Variants in CEP112 observed in about 807,000 individuals in gnomAD.
CEP112 encodes centrosomal protein of 112 kDa.
A neutral mutation model predicts 153.0 loss-of-function variants in CEP112; 127 were observed. The observed-to-expected ratio is 0.83, with a 90% confidence interval of 0.72 to 0.96. The LOEUF is 0.96. CEP112 is among the 40% of genes least tolerant of loss of function. The pLI, the probability that CEP112 is intolerant of heterozygous loss-of-function variation, is 0.00. For synonymous variants in CEP112, 358 were observed against 374.4 expected (o/e 0.96, Z 0.51); for missense variants, 1,089 against 1,101.2 (o/e 0.99, Z 0.16).
chr17:65,979,288 C>G (rs1011802705), intron 17 of CEP112, among the ~76,000 whole-genome samples: 1 of 152,036 alleles, frequency 6.6e-6, no homozygotes, highest in African/African-American at 2.4e-5. Context: ...CTCTGTCACC[C>G]TGGGTGGAGT....
intron 18 of CEP112, among the ~76,000 whole-genome samples, chr17:65,949,993 C>G (rs936977483): frequency 3.3e-5 from 5 of 152,108 alleles, no homozygotes; most frequent in African/African-American, 1.2e-4. Flanking sequence ...CATCACAATA[C>G]ACATCCATCA....
intron 4 of CEP112, among the ~76,000 whole-genome samples, chr17:66,165,832 G>A (rs534071884): frequency 2.0e-5 from 3 of 152,152 alleles, no homozygotes; most frequent in East Asian, 3.9e-4. Context: ...ATGCATTCCT[G>A]GAAAACCATA....
intron 17 of CEP112, among the ~76,000 whole-genome samples, chr17:65,979,008 T>TA (rs1426475107): frequency 1.3e-5 from 2 of 152,188 alleles, no homozygotes; most frequent in African/African-American, 2.4e-5. Context: ...CTTCGAGCTT[T>TA]ACATTGTGCT....
chr17:65,699,993 C>T (rs1450485178), intron 23 of CEP112, among the ~76,000 whole-genome samples: 1 of 152,116 alleles, frequency 6.6e-6, no homozygotes, highest in Non-Finnish European at 1.5e-5. Context: ...CTCTCTGTTG[C>T]ACCGGGCACT....
At chr17:65,969,176 G>A (rs1172294745) in intron 17 of CEP112, among the ~76,000 whole-genome samples, 1 of 150,790 alleles carries the variant, frequency 6.6e-6, no homozygotes, top group East Asian at 1.9e-4. Context: ...CTGCCTCCTG[G>A]GTTCAAGTGA....
intron 21 of CEP112, among the ~76,000 whole-genome samples, chr17:65,773,165 GCAAAGGTACAGACGCT>G (rs1376907153): frequency 2.0e-5 from 3 of 152,216 alleles, no homozygotes; most frequent in African/African-American, 7.2e-5. Flanking sequence ...GGAGTGACGT[GCAAAGGTACAGACGCT>G]TGAGGAAGCA....
At chr17:65,980,249 GTAA>G (rs2063180752) in intron 17 of CEP112, among the ~76,000 whole-genome samples, 1 of 152,050 alleles carries the variant, frequency 6.6e-6, no homozygotes, top group Admixed American at 6.6e-5. Context: ...TTTATATCAA[GTAA>G]TAAAAAACTT....
intron 8 of CEP112, among the ~76,000 whole-genome samples, chr17:66,071,188 A>AT (rs979864040): frequency 3.9e-5 from 6 of 152,162 alleles, no homozygotes; most frequent in African/African-American, 1.2e-4. Context: ...TCAAACTGAG[A>AT]TTTTATGTTT....
chr17:65,678,571 T>C (rs1271568701), intron 24 of CEP112, among the ~76,000 whole-genome samples: 2 of 152,300 alleles, frequency 1.3e-5, no homozygotes, highest in East Asian at 3.9e-4. Flanking sequence ...GAATAGAAGA[T>C]GAGACCCAGC....
intron 17 of CEP112, among the ~76,000 whole-genome samples, chr17:65,973,990 G>A (rs2062941949): frequency 6.6e-6 from 1 of 152,044 alleles, no homozygotes; most frequent in Admixed American, 6.6e-5. Context: ...TTAAAACCGT[G>A]TCATTATTTC....
chr17:65,899,622 T>C (rs1733262077), intron 20 of CEP112, among the ~76,000 whole-genome samples: 4 of 152,150 alleles, frequency 2.6e-5, no homozygotes, highest in African/African-American at 7.2e-5. Context: ...GCATACAATG[T>C]ACTACATATT....
intron 20 of CEP112, among the ~76,000 whole-genome samples, chr17:65,858,768 T>C (rs2058207080): frequency 6.6e-6 from 1 of 152,228 alleles, no homozygotes; most frequent in Non-Finnish European, 1.5e-5. Flanking sequence ...CTTCAAGATT[T>C]GAGAAGTACT....
intron 6 of CEP112, among the ~76,000 whole-genome samples, chr17:66,128,302 CAAAAAAAA>C (rs33978059): frequency 2.3e-4 from 17 of 73,554 alleles, no homozygotes; most frequent in Admixed American, 3.8e-4. Context: ...GATTCTGTCT[CAAAAAAAA>C]AAAAAAAAAA....
chr17:65,660,316 C>T (rs987889360), intron 24 of CEP112, among the ~76,000 whole-genome samples: 1 of 110,154 alleles, frequency 9.1e-6, no homozygotes, highest in South Asian at 2.9e-4. Flanking sequence ...CTCTTTCTTT[C>T]TTCCTTTCTT....
chr17:65,831,869 G>A (rs1256781111), intron 21 of CEP112, among the ~76,000 whole-genome samples: 1 of 151,952 alleles, frequency 6.6e-6, no homozygotes, highest in Non-Finnish European at 1.5e-5. Flanking sequence ...AGATTTATAG[G>A]GAAAACAACA....
chr17:66,165,609 A>C (rs2071921640), intron 4 of CEP112, among the ~76,000 whole-genome samples: 1 of 152,254 alleles, frequency 6.6e-6, no homozygotes, highest in African/African-American at 2.4e-5. Context: ...AGTTTAACAA[A>C]GTAAAAAGAT....
chr17:65,720,506 G>C (rs564363270), intron 23 of CEP112, among the ~76,000 whole-genome samples: 27 of 152,290 alleles, frequency 1.8e-4, no homozygotes, highest in South Asian at 1.7e-3. Context: ...CATTGTGTCA[G>C]ATACTTCAGG....
chr17:65,800,264 C>T (rs2055185390), intron 21 of CEP112, among the ~76,000 whole-genome samples: 1 of 152,066 alleles, frequency 6.6e-6, no homozygotes, highest in Admixed American at 6.5e-5. Context: ...AATCAATAGC[C>T]ATCATTCCCC....
chr17:65,793,343 G>A (rs972038296), intron 21 of CEP112, among the ~76,000 whole-genome samples: 1 of 152,098 alleles, frequency 6.6e-6, no homozygotes, highest in Non-Finnish European at 1.5e-5. Flanking sequence ...TGGAAGGTGG[G>A]GAGTGGGAGA....
Sources: allele counts gnomAD v4.1 joint callset (sites outside exome capture counted in the v4.1 genomes callset), GRCh38; gene constraint gnomAD v4.1.1; transcripts MANE v1.5; gene names NCBI Gene and HGNC (gene_info 2026-07-23, HGNC 2026-07-21).